TMEM272: variants seen among roughly 807,000 people sequenced by gnomAD.
TMEM272 encodes the protein transmembrane protein 272, also known as long intergenic non-protein coding RNA 282.
A neutral mutation model predicts 3.7 loss-of-function variants in TMEM272; 8 were observed. The observed-to-expected ratio is 2.17, with a 90% CI of 1.27 to 3.91. TMEM272 has a LOEUF of 3.91. Ranked by LOEUF, TMEM272 falls within the 30% of genes most tolerant of loss-of-function variation. TMEM272 has a pLI of 0.00. For synonymous variants in TMEM272, 63 were observed against 39.8 expected, an observed-to-expected ratio of 1.58 and a Z score of -2.20; for missense variants, 166 against 91.5, an observed-to-expected ratio of 1.81 and a Z score of -3.32.
At chr13:51,833,786 T>G (rs1222523238) in intron 2 of TMEM272, among the ~76,000 whole-genome samples, 2 of 152,194 alleles carry the variant, frequency 1.3e-5, no homozygotes, top group Non-Finnish European at 2.9e-5. Flanking sequence ...TAAGAAATAT[T>G]GGACCCTTCC....
the TMEM272 span, chr13:51,865,619 G>A: frequency 6.2e-7 from 1 of 1,614,078 alleles, no homozygotes; most frequent in Non-Finnish European, 8.5e-7. Context: ...TGCTTTCCGG[G>A]GCCAGATCCT....
At chr13:51,821,151 G>C (rs952293769) in intron 4 of TMEM272, among the ~76,000 whole-genome samples, 2 of 152,200 alleles carry the variant, frequency 1.3e-5, no homozygotes, top group Non-Finnish European at 2.9e-5. Flanking sequence ...CACTGGGTCC[G>C]AATGAGAGTT....
intron 3 of TMEM272, among the ~76,000 whole-genome samples, chr13:51,825,112 T>C (rs1162105526): frequency 6.6e-6 from 1 of 152,214 alleles, no homozygotes; most frequent in African/African-American, 2.4e-5. Context: ...AACAGAGCCA[T>C]ATAATAAGTG....
the TMEM272 span, among the ~76,000 whole-genome samples, chr13:51,889,438 CCAGGGAT>C: frequency 6.6e-6 from 1 of 152,070 alleles, no homozygotes; most frequent in Non-Finnish European, 1.5e-5. Flanking sequence ...GGAGGAGACA[CCAGGGAT>C]GCATGCACAG....
At chr13:51,831,285 G>A (rs1019687166) in intron 2 of TMEM272, among the ~76,000 whole-genome samples, 14 of 152,248 alleles carry the variant, frequency 9.2e-5, no homozygotes, top group African/African-American at 3.4e-4. Context: ...AGCCAGGCGT[G>A]GTGGTGCACC....
chr13:51,899,612 A>T, the TMEM272 span, among the ~76,000 whole-genome samples: 3 of 152,202 alleles, frequency 2.0e-5, no homozygotes, highest in Non-Finnish European at 4.4e-5. Flanking sequence ...CCTCTCAAAA[A>T]TGTCATCTGG....
At chr13:51,904,368 C>T in the TMEM272 span, among the ~76,000 whole-genome samples, 1 of 152,164 alleles carries the variant, frequency 6.6e-6, no homozygotes. Context: ...AGCTTATATG[C>T]AATTCTTATG....
intron 2 of TMEM272, among the ~76,000 whole-genome samples, chr13:51,834,183 C>A (rs1002199181): frequency 6.6e-6 from 1 of 152,180 alleles, no homozygotes; most frequent in Non-Finnish European, 1.5e-5. Flanking sequence ...GGTTGGAAAT[C>A]CTCTCGCTTG....
the TMEM272 span, among the ~76,000 whole-genome samples, chr13:51,929,500 G>C: frequency 7.9e-5 from 12 of 152,208 alleles, no homozygotes; most frequent in Non-Finnish European, 7.3e-5. Flanking sequence ...CTAGGAGGTT[G>C]TTTTGGTCAG....
At chr13:51,824,162 C>T (rs1408783259) in intron 3 of TMEM272, among the ~76,000 whole-genome samples, 1 of 152,192 alleles carries the variant, frequency 6.6e-6, no homozygotes, top group African/African-American at 2.4e-5. Flanking sequence ...GCACAGATGG[C>T]TTAAAACGAT....
the TMEM272 span, among the ~76,000 whole-genome samples, chr13:51,927,844 G>A: frequency 3.9e-5 from 6 of 152,136 alleles, no homozygotes; most frequent in African/African-American, 1.4e-4. Flanking sequence ...GCCATGCACC[G>A]TGCTAGGCAT....
chr13:51,838,025 G>T (rs918109523), intron 2 of TMEM272, among the ~76,000 whole-genome samples: 2 of 152,222 alleles, frequency 1.3e-5, no homozygotes, highest in African/African-American at 4.8e-5. Flanking sequence ...TGGGTCTTCT[G>T]TAATATGGTC....
At chr13:51,896,272 T>C in the TMEM272 span, among the ~76,000 whole-genome samples, 1 of 152,190 alleles carries the variant, frequency 6.6e-6, no homozygotes, top group Non-Finnish European at 1.5e-5. Context: ...TTGGTGAATA[T>C]AAAAGATTTT....
chr13:51,833,068 G>A (rs1020441363), intron 2 of TMEM272, among the ~76,000 whole-genome samples: 2 of 152,186 alleles, frequency 1.3e-5, no homozygotes. Flanking sequence ...GGGTGTTGAT[G>A]GATGGGTAGG....
chr13:51,931,203 A>T, the TMEM272 span, among the ~76,000 whole-genome samples: 1 of 152,098 alleles, frequency 6.6e-6, no homozygotes, highest in African/African-American at 2.4e-5. Context: ...AAAGGCTTGG[A>T]ACCAACGCAA....
At chr13:51,915,632 AAGTGGAC>A in the TMEM272 span, among the ~76,000 whole-genome samples, 1 of 152,182 alleles carries the variant, frequency 6.6e-6, no homozygotes, top group Non-Finnish European at 1.5e-5. Context: ...GTGAGTCACG[AAGTGGAC>A]AGTGGGAGTA....
chr13:51,847,427 C>T (rs1956312661), upstream of TMEM272, among the ~76,000 whole-genome samples: 1 of 152,230 alleles, frequency 6.6e-6, no homozygotes, highest in Admixed American at 6.5e-5. Flanking sequence ...TGAACGGTTT[C>T]ATGCCAAAAC....
At chr13:51,877,400 G>C in the TMEM272 span, among the ~76,000 whole-genome samples, 2 of 152,144 alleles carry the variant, frequency 1.3e-5, no homozygotes, top group Non-Finnish European at 2.9e-5. Context: ...GGCTTACGTA[G>C]GTGCTCAATG....
chr13:51,858,942 G>A, the TMEM272 span, among the ~76,000 whole-genome samples: 167 of 152,210 alleles, frequency 1.1e-3, no homozygotes, highest in Admixed American at 1.6e-3. Flanking sequence ...TGGCTGTTTC[G>A]GAAACTGATG....
Sources: allele counts gnomAD v4.1 joint callset (sites outside exome capture counted in the v4.1 genomes callset), GRCh38; gene constraint gnomAD v4.1.1; transcripts MANE v1.5; gene names NCBI Gene and HGNC (gene_info 2026-07-23, HGNC 2026-07-21).